The following NUBPL variants were observed in gnomAD, a reference collection of about 807,000 sequenced individuals.
NUBPL encodes the protein iron-sulfur cluster transfer protein NUBPL.
In NUBPL, 31 loss-of-function variants were observed where a neutral mutation model predicts 45.7. The ratio of observed to expected loss-of-function variants is 0.68; its 90% CI spans 0.51 to 0.92. The LOEUF (loss-of-function observed/expected upper bound fraction) is 0.92, where lower values mean the gene tolerates loss of function less well. Ranked by LOEUF, NUBPL falls within the 40% of genes least tolerant of loss-of-function variation. The pLI is 0.00. For synonymous variants in NUBPL, 144 were observed against 140.9 expected (o/e 1.02, Z -0.15); for missense variants, 401 against 398.7 (o/e 1.01, Z -0.05).
intron 4 of NUBPL, among the ~76,000 whole-genome samples, chr14:31,659,802 A>G (rs1004921710): frequency 6.6e-6 from 1 of 152,106 alleles, no homozygotes; most frequent in East Asian, 1.9e-4. Context: ...GAGCCAGATG[A>G]TTTTCCTAAT....
intron 4 of NUBPL, among the ~76,000 whole-genome samples, chr14:31,635,596 C>T (rs1314106561): frequency 6.6e-6 from 1 of 151,772 alleles, no homozygotes; most frequent in Non-Finnish European, 1.5e-5. Context: ...TCCATATGAA[C>T]TTTAAAGTAG....
chr14:31,611,652 A>G (rs1484151403), intron 4 of NUBPL, among the ~76,000 whole-genome samples: 2 of 152,222 alleles, frequency 1.3e-5, no homozygotes, highest in Non-Finnish European at 2.9e-5. Flanking sequence ...GAGGGATCAC[A>G]TTACCTGACT....
intron 10 of NUBPL, among the ~76,000 whole-genome samples, chr14:31,856,969 T>C (rs976842660): frequency 2.6e-5 from 4 of 152,202 alleles, no homozygotes; most frequent in African/African-American, 7.2e-5. Flanking sequence ...ACAACTCCAC[T>C]AGGTCATGCC....
chr14:31,600,096 ATTTT>A (rs2034390546), intron 4 of NUBPL, among the ~76,000 whole-genome samples: 1 of 151,372 alleles, frequency 6.6e-6, no homozygotes, highest in Non-Finnish European at 1.5e-5. Context: ...TAATTTTTGT[ATTTT>A]TAGTACAGAT....
chr14:31,646,139 C>A (rs1050340113), intron 4 of NUBPL, among the ~76,000 whole-genome samples: 4 of 151,996 alleles, frequency 2.6e-5, no homozygotes, highest in Non-Finnish European at 5.9e-5. Context: ...GGATAGCTTT[C>A]CTGGATATAC....
At chr14:31,686,959 T>A (rs1216709309) in intron 6 of NUBPL, among the ~76,000 whole-genome samples, 2 of 152,104 alleles carry the variant, frequency 1.3e-5, no homozygotes, top group East Asian at 3.9e-4. Context: ...CTACAAAAAA[T>A]AAAAAACAGC....
intron 4 of NUBPL, among the ~76,000 whole-genome samples, chr14:31,608,312 G>C (rs1388871899): frequency 6.6e-6 from 1 of 152,180 alleles, no homozygotes; most frequent in Non-Finnish European, 1.5e-5. Flanking sequence ...CCAGCACTTT[G>C]GGAGGCTGAG....
rs151336758 is a variant in NUBPL at position 31,839,714 on chromosome 14, C to A, written c.694-6757C>A. Among the ~76,000 whole-genome samples, 990 of 152,184 alleles carry A rather than the reference C, an allele frequency of 6.5e-3. 8 individuals are homozygous for A. The highest frequency in any genetic ancestry group is 7.7e-3 in the Non-Finnish European group (525 of 67,998). ...AAAACATGCATAAGGAGTTAATATT[C>A]AAAGTATATGAGGAACTCAACCCAA... On this transcript the variant is annotated intron_variant, in intron 8 of 10. Coordinates refer to ENST00000281081, the MANE Select transcript of NUBPL (RefSeq NM_025152.3).
Position 31,710,591 on chromosome 14 carries a change from C to T in NUBPL, c.513+37017C>T, listed in dbSNP as rs2037548804. On this transcript the variant is annotated intron_variant, in intron 6 of 10. Coordinates refer to ENST00000281081, the MANE Select transcript of NUBPL (RefSeq NM_025152.3). Reference sequence around the variant, plus strand: ...TTAGTGGCTGTTACAGACGCATTCTCGAAAACCTGTTAGAGTCCTAAACAT... The same window carrying T: ...TTAGTGGCTGTTACAGACGCATTCTTGAAAACCTGTTAGAGTCCTAAACAT... 3.3e-5 allele frequency among the ~76,000 whole-genome samples: 5 copies of T among 152,146 alleles called. No homozygotes were observed. The South Asian group carries it at 8.3e-4, about 25-fold the overall frequency.
chr14:31,605,568 T>G (rs1363951101), intron 4 of NUBPL, among the ~76,000 whole-genome samples: 2 of 152,228 alleles, frequency 1.3e-5, no homozygotes, highest in Non-Finnish European at 2.9e-5. Context: ...TGTTTAAAGT[T>G]AGTAAACTTT....
chr14:31,627,184 G>T (rs899766615), intron 4 of NUBPL, among the ~76,000 whole-genome samples: 2 of 152,012 alleles, frequency 1.3e-5, no homozygotes, highest in African/African-American at 4.8e-5. Flanking sequence ...GGAAAAAAGG[G>T]AATTGAAATG....
intron 4 of NUBPL, among the ~76,000 whole-genome samples, chr14:31,631,787 T>A (rs1395588211): frequency 6.6e-6 from 1 of 151,944 alleles, no homozygotes; most frequent in East Asian, 1.9e-4. Context: ...TATTCAGGGC[T>A]TCAATGGATT....
In NUBPL at chr14:31,789,702, T is replaced by A. The variant is rs2039344114; in HGVS notation, c.607+1829T>A. On this transcript the variant is annotated intron_variant, in intron 7 of 10. Transcript: ENST00000281081. ...CATTGATATTTAATGATCAAAAGTT[T>A]AGAATCTAAGTTTTTGACAAAATAT... Among the ~76,000 whole-genome samples the A allele has an allele frequency of 2.0e-5, 3 of 152,228 alleles. No individual in the cohort carries two copies. The East Asian group carries it at 5.8e-4, about 29-fold the overall frequency.
chr14:31,614,460 T>C (rs755280896), intron 4 of NUBPL, among the ~76,000 whole-genome samples: 7 of 152,180 alleles, frequency 4.6e-5, no homozygotes, highest in Non-Finnish European at 1.0e-4. Flanking sequence ...TGAAAAAGGT[T>C]ATACACACAT....
At chr14:31,693,819 A>AC (rs1188658208) in intron 6 of NUBPL, among the ~76,000 whole-genome samples, 3,667 of 145,598 alleles carry the variant, frequency 0.025, 62 homozygotes, top group Non-Finnish European at 0.033. Flanking sequence ...AAAAAAAAAA[A>AC]AAAACCTTTA....
intron 6 of NUBPL, among the ~76,000 whole-genome samples, chr14:31,767,893 T>A (rs2038942069): frequency 1.3e-5 from 2 of 152,144 alleles, no homozygotes; most frequent in Admixed American, 6.5e-5. Context: ...CATACATGCC[T>A]TTACATACAT....
At chr14:31,810,199 C>G (rs1476814851) in intron 7 of NUBPL, among the ~76,000 whole-genome samples, 4 of 152,066 alleles carry the variant, frequency 2.6e-5, no homozygotes, top group Admixed American at 2.0e-4. Flanking sequence ...GTTGATCTGT[C>G]TAATGTTGAC....
intron 6 of NUBPL, among the ~76,000 whole-genome samples, chr14:31,774,802 G>A (rs935169081): frequency 1.5e-4 from 23 of 152,096 alleles, no homozygotes; most frequent in Non-Finnish European, 5.9e-5. Flanking sequence ...TGATAAACCC[G>A]TGATGTAATC....
chr14:31,629,742 G>A (rs551009949), intron 4 of NUBPL, among the ~76,000 whole-genome samples: 2 of 152,262 alleles, frequency 1.3e-5, no homozygotes, highest in East Asian at 1.9e-4. Flanking sequence ...TAAAAATGGA[G>A]AAATGATATA....
Sources: gnomAD v4.1 joint callset for allele counts (sites outside exome capture counted in the v4.1 genomes callset) on GRCh38, gnomAD v4.1.1 for gene constraint, MANE v1.5 for transcripts, NCBI Gene and HGNC (gene_info 2026-07-23, HGNC 2026-07-21) for gene names.